Variants in PROS1 observed in about 807,000 individuals in gnomAD.
PROS1 encodes protein S.
In PROS1, 29 loss-of-function variants were observed where a neutral mutation model predicts 75.9. The observed-to-expected ratio is 0.38, with a 90% CI of 0.28 to 0.52. The LOEUF (loss-of-function observed/expected upper bound fraction) is 0.52, where lower values mean the gene tolerates loss of function less well. Among genes scored for constraint, PROS1 ranks in the 20% least tolerant of loss-of-function variants. PROS1 has a pLI of 0.83. For missense variants in PROS1, 680 were observed against 810.3 expected, an observed-to-expected ratio of 0.84 and a Z score of 1.95; for synonymous variants, 245 against 280.6, an observed-to-expected ratio of 0.87 and a Z score of 1.27.
intron 3 of PROS1, among the ~76,000 whole-genome samples, chr3:93,918,923 T>C (rs1708903243): frequency 1.3e-5 from 2 of 152,170 alleles, no homozygotes; most frequent in Non-Finnish European, 2.9e-5. Context: ...TTTTTTCACG[T>C]GTGTAAATGG....
At chr3:93,893,715 T>C (rs948243030) in intron 9 of PROS1, among the ~76,000 whole-genome samples, 1 of 152,190 alleles carries the variant, frequency 6.6e-6, no homozygotes, top group Non-Finnish European at 1.5e-5. Context: ...TAAGCCTTCA[T>C]GTGTGGTAAG....
At chr3:93,896,149 TAAGC>T (rs1320955102) in intron 9 of PROS1, among the ~76,000 whole-genome samples, 1 of 152,180 alleles carries the variant, frequency 6.6e-6, no homozygotes, top group African/African-American at 2.4e-5. Context: ...AAATGCCACT[TAAGC>T]AAGTTTAAAT....
At chr3:93,959,257 T>C (rs935635024) in intron 1 of PROS1, among the ~76,000 whole-genome samples, 1 of 152,152 alleles carries the variant, frequency 6.6e-6, no homozygotes, top group Non-Finnish European at 1.5e-5. Flanking sequence ...GAGGCTGCGA[T>C]GAGCTGTGAT....
intron 6 of PROS1, 70 bp from the exon 7 acceptor site, chr3:93,900,999 T>C (rs1157204668): frequency 1.3e-6 from 2 of 1,541,986 alleles, no homozygotes; most frequent in African/African-American, 1.4e-5. Flanking sequence ...GAACCCTTGA[T>C]TTGTGTTTCC....
chr3:93,897,076 A>C (rs1708513305), intron 8 of PROS1, among the ~76,000 whole-genome samples: 1 of 152,136 alleles, frequency 6.6e-6, no homozygotes, highest in South Asian at 2.1e-4. Context: ...TTTTATTTGA[A>C]GTCAGAAATA....
In PROS1 at chr3:93,884,851, T is replaced by C; in HGVS notation, c.1369A>G (p.Lys457Glu). Reference sequence around the variant, plus strand: ...TCCTTTATTCCAGAAGCTCCTTGCTTCATCAAATTCCAGCTTCGTATACAT... The same window carrying C: ...TCCTTTATTCCAGAAGCTCCTTGCTCCATCAAATTCCAGCTTCGTATACAT... The part of the protein sequence containing the change: ...DGCIRSWNLM[K>E]QGASGIKEII... The change falls in exon 12 of 15, where the codon AAG (lysine) becomes GAG (glutamate). Residue 457 changes from lysine (K) to glutamate (E), a missense_variant. Transcript: ENST00000394236. 2.5e-6 allele frequency: 4 copies of C among 1,613,404 alleles called. No individual in the cohort carries two copies. The highest frequency in any genetic ancestry group is 3.4e-6 in the Non-Finnish European group (4 of 1,179,724).
rs1187852432 is a variant in PROS1, at chr3:93,925,762, G to T, written c.234+1488C>A. 8.0e-5 allele frequency among the ~76,000 whole-genome samples: 12 copies of T among 149,080 alleles called. No homozygotes were observed. In the Admixed American group the frequency reaches 8.1e-4, roughly 10 times the overall value. ...TTGCCTGAGCGGGGGGGTCAGGGCT[G>T]CAGTGAACCATGATCATGCCACTGC... On this transcript the variant is annotated intron_variant, in intron 2 of 14. Transcript: ENST00000394236.
intron 9 of PROS1, among the ~76,000 whole-genome samples, chr3:93,894,808 A>G (rs1434351117): frequency 2.0e-5 from 3 of 152,224 alleles, no homozygotes; most frequent in Non-Finnish European, 4.4e-5. Context: ...ATAAAAATTC[A>G]TCAAGCTATA....
intron 1 of PROS1, among the ~76,000 whole-genome samples, chr3:93,963,667 G>A (rs1214774835): frequency 1.3e-5 from 2 of 151,680 alleles, no homozygotes; most frequent in Non-Finnish European, 2.9e-5. Flanking sequence ...AAGGGGAGCA[G>A]TGGATCACAT....
chr3:93,906,055 A>G lies in PROS1; in HGVS notation c.435T>C (p.Cys145=). ...KDGKASFTCT[C]KPGWQGEKCE... ...ACTTTTCTCCTTGCCAACCTGGTTT[A>G]CAAGTGCAAGTAAAAGAAGCTTTTC... Residue 145 remains cysteine (C), a synonymous_variant, in exon 5 of 15, where the codon TGT becomes TGC. Coordinates refer to ENST00000394236, the MANE Select transcript of PROS1 (RefSeq NM_000313.4). 6.2e-7 allele frequency: 1 copy of G among 1,614,180 alleles called. No individual in the cohort carries two copies. The highest frequency in any genetic ancestry group is 8.5e-7 in the Non-Finnish European group (1 of 1,180,034).
intron 6 of PROS1, among the ~76,000 whole-genome samples, chr3:93,903,865 G>T (rs544050800): frequency 6.6e-6 from 1 of 151,004 alleles, no homozygotes; most frequent in South Asian, 2.1e-4. Context: ...TGCACATTGT[G>T]CAGGTTAGTT....
intron 3 of PROS1, among the ~76,000 whole-genome samples, chr3:93,913,421 T>A (rs913312548): frequency 2.0e-5 from 3 of 152,226 alleles, no homozygotes; most frequent in Non-Finnish European, 4.4e-5. Flanking sequence ...GCACAAGCTC[T>A]CTTGCCTGCC....
chr3:93,913,191 G>A (rs185159000), intron 3 of PROS1, among the ~76,000 whole-genome samples: 4 of 152,090 alleles, frequency 2.6e-5, no homozygotes, highest in Admixed American at 2.0e-4. Flanking sequence ...TTCTGCATTC[G>A]TTCTCCTTCC....
intron 1 of PROS1, among the ~76,000 whole-genome samples, chr3:93,944,402 G>A (rs1290972607): frequency 6.6e-6 from 1 of 152,118 alleles, no homozygotes; most frequent in East Asian, 1.9e-4. Context: ...CACATAGTTG[G>A]AAGAAAAGCA....
At chr3:93,963,497 A>C (rs1258763435) in intron 1 of PROS1, among the ~76,000 whole-genome samples, 5 of 152,196 alleles carry the variant, frequency 3.3e-5, no homozygotes, top group South Asian at 2.1e-4. Flanking sequence ...CAGATGTGTT[A>C]ATCTGTCTGC....
chr3:93,949,912 C>T (rs546983635), intron 1 of PROS1, among the ~76,000 whole-genome samples: 9 of 152,212 alleles, frequency 5.9e-5, no homozygotes, highest in African/African-American at 1.7e-4. Flanking sequence ...TGCAAGGGGT[C>T]GGGGAATTCC....
chr3:93,951,471 C>T (rs1196418201), intron 1 of PROS1, among the ~76,000 whole-genome samples: 1 of 152,042 alleles, frequency 6.6e-6, no homozygotes, highest in Non-Finnish European at 1.5e-5. Flanking sequence ...ATTTTCAACC[C>T]AAAATTTTAT....
rs745793478 is a variant in PROS1 at position 93,922,205 on chromosome 3, ACTTAT to A, written c.259+2030_259+2034del. On this transcript the variant is annotated intron_variant, in intron 3 of 14. Transcript: ENST00000394236. ...GTCAGCATTCTGAGGTAATTCACCA[ACTTAT>A]CTTAGAAACTAAAAATAATTTCTTT... Among the ~76,000 whole-genome samples the A allele has an allele frequency of 1.1e-4, 16 of 152,200 alleles. No homozygotes were observed. The South Asian group carries it at 1.4e-3, about 14-fold the overall frequency.
intron 1 of PROS1, among the ~76,000 whole-genome samples, chr3:93,946,294 A>G (rs1487783829): frequency 3.3e-5 from 5 of 152,178 alleles, no homozygotes; most frequent in African/African-American, 1.2e-4. Flanking sequence ...TCACAGAATC[A>G]GAAGAAACTA....
Sources: gnomAD v4.1 joint callset for allele counts (sites outside exome capture counted in the v4.1 genomes callset) on GRCh38, gnomAD v4.1.1 for gene constraint, MANE v1.5 for transcripts, NCBI Gene and HGNC (gene_info 2026-07-23, HGNC 2026-07-21) for gene names.